The following TNRC6A variants were observed in gnomAD, a reference collection of about 807,000 sequenced individuals.
TNRC6A encodes the protein trinucleotide repeat-containing gene 6A protein.
A neutral mutation model predicts 221.2 loss-of-function variants in TNRC6A; 44 were observed. That is an observed-to-expected ratio of 0.20 (90% CI 0.16 to 0.26). The LOEUF (loss-of-function observed/expected upper bound fraction) is 0.26. TNRC6A is among the 10% of genes least tolerant of loss of function. The probability of loss-of-function intolerance (pLI) is 1.00; values close to 1 mark genes in which losing one functional copy is unlikely to be tolerated. For synonymous variants in TNRC6A, 847 were observed against 838.5 expected, an observed-to-expected ratio of 1.01 and a Z score of -0.18; for missense variants, 2,199 against 2,404.4, an observed-to-expected ratio of 0.91 and a Z score of 1.79.
At chr16:24,658,100 T>G (rs1485477406) in intron 2 of TNRC6A, among the ~76,000 whole-genome samples, 1 of 152,206 alleles carries the variant, frequency 6.6e-6, no homozygotes, top group Admixed American at 6.6e-5. Flanking sequence ...AATTGCTTAT[T>G]TCTTGGCTAT....
chr16:24,769,165 CTA>C (rs1479624662), intron 4 of TNRC6A, among the ~76,000 whole-genome samples: 1 of 151,636 alleles, frequency 6.6e-6, no homozygotes, highest in Non-Finnish European at 1.5e-5. Context: ...AATTAAGAGG[CTA>C]TTTTTTAAAA....
chr16:24,718,678 C>T (rs2151078729), intron 2 of TNRC6A, among the ~76,000 whole-genome samples: 1 of 152,252 alleles, frequency 6.6e-6, no homozygotes, highest in South Asian at 2.1e-4. Context: ...ATAGCACCAG[C>T]AGGACCTTAT....
intron 2 of TNRC6A, among the ~76,000 whole-genome samples, chr16:24,748,004 A>T (rs970311589): frequency 1.3e-5 from 2 of 152,210 alleles, no homozygotes; most frequent in Admixed American, 6.5e-5. Context: ...AAGGTGCTAG[A>T]TGTTTCTGAA....
intron 2 of TNRC6A, among the ~76,000 whole-genome samples, chr16:24,704,082 CAAA>C (rs34569194): frequency 5.7e-4 from 76 of 132,932 alleles, no homozygotes; most frequent in African/African-American, 7.9e-4. Context: ...GACCTTGTAT[CAAA>C]AAAAAAAAAA....
At chr16:24,760,669 A>G (rs139085084) in intron 4 of TNRC6A, among the ~76,000 whole-genome samples, 9 of 152,288 alleles carry the variant, frequency 5.9e-5, no homozygotes, top group Non-Finnish European at 1.0e-4. Flanking sequence ...GTGGTTAGAG[A>G]TTACAAACTG....
rs532333564 is a variant in TNRC6A at position 24,645,327 on chromosome 16, G to A, written n.402+4318G>A. ...TCAAGACCAGCCTGGCCAACATGGT[G>A]AAACCCCATCTCTATTAAAAATACA... On this transcript the variant is annotated intron_variant and non_coding_transcript_variant, in intron 2 of 2. Transcript: ENST00000566108. 4.6e-5 allele frequency among the ~76,000 whole-genome samples: 7 copies of A among 152,068 alleles called. No individual in the cohort carries two copies. The South Asian group carries it at 1.5e-3, about 32-fold the overall frequency.
chr16:24,717,005 G>A lies in TNRC6A; in HGVS notation n.403-33721G>A, dbSNP rs1037827118. On this transcript the variant is annotated intron_variant and non_coding_transcript_variant, in intron 2 of 2. Transcript: ENST00000566108. Reference sequence around the variant, plus strand: ...AAAAGAAAACTTGAATGAATGAATAGATGAACTGATTAATAAATGAATACA... The same window carrying A: ...AAAAGAAAACTTGAATGAATGAATAAATGAACTGATTAATAAATGAATACA... Among the ~76,000 whole-genome samples, 46 of 143,846 alleles carry A rather than the reference G, an allele frequency of 3.2e-4. 1 individual carries two copies. Among genetic ancestry groups the A allele is most frequent in the Admixed American group, 3.4e-4 (5 of 14,544 alleles). The allele number at this position is 143,846 out of a possible 152,430, so 94.4% of individuals were successfully genotyped here. A position where few individuals can be genotyped will look rare whatever the true frequency, so the allele number is the denominator to read the frequency against.
In TNRC6A at chr16:24,730,317, T is replaced by C. The variant is rs2056600214; in HGVS notation, c.53+17T>C. 13 of 1,603,414 alleles carry C rather than the reference T, an allele frequency of 8.1e-6. No homozygotes were observed. Among genetic ancestry groups the C allele is most frequent in the African/African-American group, 1.4e-5 (1 of 73,886 alleles). On this transcript the variant is annotated intron_variant, in intron 2 of 24. Coordinates refer to ENST00000395799, the MANE Select transcript of TNRC6A (RefSeq NM_014494.4). The stretch of plus-strand genomic sequence containing the variant: ...TCTTAGCAGGTAAGATGGGCGAGCT[T>C]TCCGTCTCCCGCCCCACGATAATCG...
chr16:24,809,778 C>T (rs1273682530), intron 18 of TNRC6A, among the ~76,000 whole-genome samples: 1 of 152,104 alleles, frequency 6.6e-6, no homozygotes, highest in Non-Finnish European at 1.5e-5. Context: ...TATTATTACA[C>T]TTATTAACAT....
chr16:24,755,726 T>C (rs891235673), intron 3 of TNRC6A, among the ~76,000 whole-genome samples: 2 of 152,230 alleles, frequency 1.3e-5, no homozygotes, highest in Admixed American at 1.3e-4. Flanking sequence ...AGTGCTGTGC[T>C]CTGCCACTGC....
chr16:24,765,075 A>G (rs1031237324), intron 4 of TNRC6A, among the ~76,000 whole-genome samples: 14 of 152,182 alleles, frequency 9.2e-5, no homozygotes, highest in African/African-American at 3.1e-4. Flanking sequence ...TTGGAAAAGG[A>G]GGGGGACTAC....
chr16:24,625,619 G>C (rs1482880380), intron 1 of TNRC6A, among the ~76,000 whole-genome samples: 3 of 150,662 alleles, frequency 2.0e-5, no homozygotes, highest in Non-Finnish European at 4.4e-5. Flanking sequence ...CCAGCTACTC[G>C]GGAGGCTGAG....
chr16:24,651,697 C>T (rs940533326), intron 2 of TNRC6A, among the ~76,000 whole-genome samples: 13 of 150,020 alleles, frequency 8.7e-5, no homozygotes, highest in East Asian at 3.9e-4. Context: ...CCCCTCCCCC[C>T]GCCATCTTAA....
intron 2 of TNRC6A, among the ~76,000 whole-genome samples, chr16:24,644,074 A>G (rs1220023597): frequency 1.0e-5 from 1 of 97,050 alleles, no homozygotes; most frequent in Non-Finnish European, 2.0e-5. Flanking sequence ...TTTGTTTCTT[A>G]TCTTTAATTT....
intron 1 of TNRC6A, among the ~76,000 whole-genome samples, chr16:24,617,583 T>C (rs1436432816): frequency 6.6e-6 from 1 of 152,224 alleles, no homozygotes; most frequent in Admixed American, 6.5e-5. Context: ...ACTTACCCTG[T>C]GTCAAGTATG....
intron 2 of TNRC6A, among the ~76,000 whole-genome samples, chr16:24,693,725 C>T (rs1013175688): frequency 6.6e-6 from 1 of 152,052 alleles, no homozygotes; most frequent in African/African-American, 2.4e-5. Flanking sequence ...CATGGCAAAA[C>T]CCCATCTCTA....
chr16:24,720,293 T>C (rs557356905), intron 2 of TNRC6A, among the ~76,000 whole-genome samples: 5 of 152,124 alleles, frequency 3.3e-5, no homozygotes, highest in Non-Finnish European at 7.3e-5. Context: ...TCCCAGCTAC[T>C]CAGGAGGCTG....
At chr16:24,664,025 G>A in intron 2 of TNRC6A, 1 of 446,076 alleles carries the variant, frequency 2.2e-6, no homozygotes, top group Non-Finnish European at 4.5e-6. Context: ...CAGAAGAGAA[G>A]GGGAAATGAA....
chr16:24,626,649 CTTT>C (rs5816260), intron 1 of TNRC6A, among the ~76,000 whole-genome samples: 9 of 126,928 alleles, frequency 7.1e-5, no homozygotes, highest in Admixed American at 8.4e-5. Flanking sequence ...GATACTATTT[CTTT>C]TTTTTTTTTT....
Sources: gnomAD v4.1 joint callset for allele counts (sites outside exome capture counted in the v4.1 genomes callset) on GRCh38, gnomAD v4.1.1 for gene constraint, MANE v1.5 for transcripts, NCBI Gene and HGNC (gene_info 2026-07-23, HGNC 2026-07-21) for gene names.